The following CYB5R3 variants were observed in gnomAD, a reference collection of about 807,000 sequenced individuals.
CYB5R3 encodes the protein NADH-cytochrome b5 reductase 3.
A neutral mutation model predicts 36.5 loss-of-function variants in CYB5R3; 28 were observed. That is an observed-to-expected ratio of 0.77 (90% confidence interval 0.57 to 1.05). The LOEUF (loss-of-function observed/expected upper bound fraction) is 1.05. CYB5R3 is among the 50% of genes least tolerant of loss of function. The pLI is 0.00. For synonymous variants in CYB5R3, 181 were observed against 159.8 expected, an observed-to-expected ratio of 1.13 and a Z score of -1.00; for missense variants, 474 against 408.9, an observed-to-expected ratio of 1.16 and a Z score of -1.37.
chr22:42,646,921 C>T (rs1375754377), intron 1 of CYB5R3: 4 of 985,376 alleles, frequency 4.1e-6, no homozygotes, highest in Non-Finnish European at 4.8e-6. Flanking sequence ...CACTCACAGC[C>T]GGGCTGGGAG....
chr22:42,641,288 G>T (rs755432003), intron 1 of CYB5R3, among the ~76,000 whole-genome samples: 2 of 152,012 alleles, frequency 1.3e-5, no homozygotes, highest in African/African-American at 4.8e-5. Context: ...AAGTTTTGGG[G>T]GAACCAGAAG....
intron 1 of CYB5R3, 98 bp downstream of exon 1, chr22:42,649,197 G>A: frequency 1.2e-5 from 6 of 480,060 alleles, no homozygotes; most frequent in Non-Finnish European, 8.6e-6. Context: ...GGTGCGGCCC[G>A]GGTCCCGCGT....
chr22:42,625,112 G>A (rs1416673733), intron 7 of CYB5R3, among the ~76,000 whole-genome samples: 1 of 152,194 alleles, frequency 6.6e-6, no homozygotes, highest in East Asian at 1.9e-4. Context: ...AAAAAATACA[G>A]AAAATATGGA....
At chr22:42,646,324 G>C (rs543601963) in intron 1 of CYB5R3, among the ~76,000 whole-genome samples, 1 of 152,228 alleles carries the variant, frequency 6.6e-6, no homozygotes, top group African/African-American at 2.4e-5. Flanking sequence ...CCCCACCAGG[G>C]AACCCATCAC....
chr22:42,638,729 A>T (rs9607926), intron 1 of CYB5R3, among the ~76,000 whole-genome samples: 1,360 of 50,024 alleles, frequency 0.027, 12 homozygotes, highest in Non-Finnish European at 0.038. Flanking sequence ...AAGACTCCAT[A>T]AAAAAAAAAA....
At position 42,630,982 on chromosome 22, in the gene CYB5R3, T is replaced by C; in HGVS notation, c.233A>G (p.His78Arg). 6.2e-7 allele frequency: 1 copy of C among 1,613,738 alleles called. No individual in the cohort carries two copies. Among genetic ancestry groups the C allele is most frequent in the Non-Finnish European group, 8.5e-7 (1 of 1,179,822 alleles). The change falls in exon 4 of 9, where the codon CAC becomes CGC. Residue 78 changes from histidine (H) to arginine (R), a missense_variant. Physicochemically the swap from His to Arg is conservative, Grantham distance 29 (BLOSUM62 0). Coordinates refer to ENST00000352397, the MANE Select transcript of CYB5R3 (RefSeq NM_000398.7). ...QHILGLPVGQ[H>R]IYLSARIDGN... is the part of the protein sequence containing the mutation. ...ATCAATTCGAGCCGAGAGGTAGATGTGCTGGCCTGCAGGACAGAACGGGGT... is the reference window on the plus strand; with the variant it reads ...ATCAATTCGAGCCGAGAGGTAGATGCGCTGGCCTGCAGGACAGAACGGGGT...
chr22:42,623,465 C>T (rs983175988), intron 8 of CYB5R3, among the ~76,000 whole-genome samples: 30 of 152,230 alleles, frequency 2.0e-4, no homozygotes, highest in African/African-American at 6.3e-4. Context: ...ACCGCTGCCC[C>T]GAGACTTGCC....
At chr22:42,646,428 G>A (rs1227705687) in intron 1 of CYB5R3, among the ~76,000 whole-genome samples, 1 of 152,170 alleles carries the variant, frequency 6.6e-6, no homozygotes, top group Non-Finnish European at 1.5e-5. Context: ...ATAGCTGAGG[G>A]GCTGCGTAGC....
chr22:42,620,817 T>C (rs1927924833), intron 8 of CYB5R3, among the ~76,000 whole-genome samples: 1 of 152,206 alleles, frequency 6.6e-6, no homozygotes, highest in East Asian at 1.9e-4. Flanking sequence ...ACTGACCACA[T>C]TTCCCTTTTC....
At chr22:42,638,885 T>G (rs1342613220) in intron 1 of CYB5R3, among the ~76,000 whole-genome samples, 1 of 142,542 alleles carries the variant, frequency 7.0e-6, no homozygotes, top group Non-Finnish European at 1.5e-5. Context: ...ATACAAAAAA[T>G]TAGCTGGATG....
At position 42,637,583 on chromosome 22, in the gene CYB5R3, A is replaced by G. The variant is rs939955671; in HGVS notation, c.22-737T>C. ...GTCACTGGCTGTGTGACCCCGAGAA[A>G]GTCCCTTCCCCTCTCAACCTGAGTG... is the stretch of plus-strand genomic sequence containing the variant. On this transcript the variant is annotated intron_variant, in intron 1 of 8. Transcript: ENST00000352397. 9.2e-5 allele frequency among the ~76,000 whole-genome samples: 14 copies of G among 152,104 alleles called. 1 individual carries two copies. In the South Asian group the frequency reaches 2.1e-3, roughly 23 times the overall value.
intron 2 of CYB5R3, among the ~76,000 whole-genome samples, chr22:42,633,802 C>T (rs1018365962): frequency 6.6e-5 from 10 of 151,874 alleles, no homozygotes; most frequent in Non-Finnish European, 1.0e-4. Flanking sequence ...CAAAAAGGAA[C>T]GACAGTAACA....
intron 4 of CYB5R3, among the ~76,000 whole-genome samples, chr22:42,628,777 A>G (rs1928447211): frequency 6.6e-6 from 1 of 152,144 alleles, no homozygotes; most frequent in Admixed American, 6.5e-5. Context: ...AAGGGCCTCA[A>G]TCCGACACCT....
chr22:42,620,008 C>G, intron 8 of CYB5R3, 63 bp from the exon 9 acceptor site: 1 of 1,463,104 alleles, frequency 6.8e-7, no homozygotes, highest in Non-Finnish European at 9.4e-7. Flanking sequence ...TGCTGACCGA[C>G]CAACCCTAGG....
Position 42,640,052 on chromosome 22 carries a change from G to C in CYB5R3, c.22-3206C>G, listed in dbSNP as rs1334256123. The stretch of plus-strand genomic sequence containing the variant: ...ACCTCAGTGGCCACCAAACCGTTCA[G>C]CAAAGCTTCCTTAACTGTGAGCTGT... On this transcript the variant is annotated intron_variant, in intron 1 of 8. Coordinates refer to ENST00000352397, the MANE Select transcript of CYB5R3 (RefSeq NM_000398.7). The C allele has an allele frequency of 1.9e-6, 3 of 1,613,658 alleles. No individual in the cohort carries two copies. The African/African-American group carries it at 4.0e-5, about 22-fold the overall frequency.
rs775750710 is a variant in CYB5R3, at chr22:42,636,856, C to T, written c.22-10G>A. The T allele has an allele frequency of 6.2e-7, 1 of 1,612,908 alleles. No individual in the cohort carries two copies. Among genetic ancestry groups the T allele is most frequent in the East Asian group, 2.2e-5 (1 of 44,844 alleles). Reference sequence around the variant, plus strand: ...GCACCATATGGCCCAACTGAAACGACAGGACCCGCGGGGTCAGTGCAGGAG... The same window carrying T: ...GCACCATATGGCCCAACTGAAACGATAGGACCCGCGGGGTCAGTGCAGGAG... On this transcript the variant is annotated splice_polypyrimidine_tract_variant and intron_variant, in intron 1 of 8. Coordinates refer to ENST00000352397, the MANE Select transcript of CYB5R3 (RefSeq NM_000398.7).
At chr22:42,642,800 G>C (rs1929348584) in intron 1 of CYB5R3, among the ~76,000 whole-genome samples, 1 of 152,252 alleles carries the variant, frequency 6.6e-6, no homozygotes, top group Non-Finnish European at 1.5e-5. Flanking sequence ...TTCAACTAGA[G>C]AGGCTGAGAA....
intron 7 of CYB5R3, among the ~76,000 whole-genome samples, chr22:42,624,894 GGT>G (rs1928185549): frequency 6.6e-6 from 1 of 152,150 alleles, no homozygotes; most frequent in Non-Finnish European, 1.5e-5. Flanking sequence ...GTAGCCCAAG[GGT>G]GCCTGAATAC....
chr22:42,641,461 C>T (rs1010202730), intron 1 of CYB5R3, among the ~76,000 whole-genome samples: 2 of 152,046 alleles, frequency 1.3e-5, no homozygotes, highest in African/African-American at 4.8e-5. Context: ...CGCACGCCAC[C>T]ACACTTGGCT....
Sources: allele counts gnomAD v4.1 joint callset (sites outside exome capture counted in the v4.1 genomes callset), GRCh38; gene constraint gnomAD v4.1.1; transcripts MANE v1.5; gene names NCBI Gene and HGNC (gene_info 2026-07-23, HGNC 2026-07-21).